The following CFAP299 variants were observed in gnomAD, a reference collection of about 807,000 sequenced individuals.
CFAP299 encodes cilia- and flagella-associated protein 299.
Under a neutral mutation model 27.0 loss-of-function variants are expected in CFAP299, and 21 were observed. That is an observed-to-expected ratio of 0.78 (90% CI 0.55 to 1.12). The LOEUF (loss-of-function observed/expected upper bound fraction) is 1.12. CFAP299 is among the 50% of genes most tolerant of loss of function. The pLI is 0.00. For synonymous variants in CFAP299, 104 were observed against 98.1 expected, an observed-to-expected ratio of 1.06 and a Z score of -0.36; for missense variants, 310 against 276.6, an observed-to-expected ratio of 1.12 and a Z score of -0.86.
At chr4:80,507,425 G>C (rs886614491) in intron 2 of CFAP299, among the ~76,000 whole-genome samples, 1 of 152,080 alleles carries the variant, frequency 6.6e-6, no homozygotes, top group African/African-American at 2.4e-5. Context: ...AGATATAAGA[G>C]AATATAATAT....
At chr4:80,634,075 C>T (rs1213383646) in intron 3 of CFAP299, among the ~76,000 whole-genome samples, 1 of 151,210 alleles carries the variant, frequency 6.6e-6, no homozygotes, top group African/African-American at 2.4e-5. Context: ...CCTTCACCTC[C>T]CGGGTTCAAG....
chr4:80,673,414 C>A (rs971898022), intron 3 of CFAP299, among the ~76,000 whole-genome samples: 5 of 151,984 alleles, frequency 3.3e-5, no homozygotes, highest in Non-Finnish European at 7.4e-5. Context: ...TTTGCTGAGG[C>A]ATGCTTTACT....
At chr4:80,742,208 C>CA in intron 3 of CFAP299, among the ~76,000 whole-genome samples, 1 of 152,180 alleles carries the variant, frequency 6.6e-6, no homozygotes, top group Admixed American at 6.5e-5. Flanking sequence ...TTTCTGTGTG[C>CA]AGATACTTGT....
intron 2 of CFAP299, among the ~76,000 whole-genome samples, chr4:80,569,395 G>C (rs1735468920): frequency 6.6e-6 from 1 of 151,924 alleles, no homozygotes; most frequent in Non-Finnish European, 1.5e-5. Flanking sequence ...ATGTAAAGTT[G>C]TTTAAAAATA....
At chr4:80,674,878 AT>A (rs1361447499) in intron 3 of CFAP299, among the ~76,000 whole-genome samples, 2 of 152,182 alleles carry the variant, frequency 1.3e-5, no homozygotes, top group East Asian at 3.8e-4. Flanking sequence ...CCATCATGTC[AT>A]TTAAGGTCTT....
intron 2 of CFAP299, among the ~76,000 whole-genome samples, chr4:80,524,830 G>C (rs1299764173): frequency 3.3e-5 from 5 of 152,146 alleles, no homozygotes; most frequent in African/African-American, 9.7e-5. Context: ...CTGTTGTCAG[G>C]ATTCTGGGCA....
rs139783166 is a variant in CFAP299, at chr4:80,923,116, G to A, written c.477-21694G>A. On this transcript the variant is annotated intron_variant, in intron 4 of 5. Coordinates refer to ENST00000358105, the MANE Select transcript of CFAP299 (RefSeq NM_152770.3). ...CAAGGGGGAACATTTGCTAGCTCAA[G>A]GAGGGATTCCTTCATGGTTGTTACG... is the stretch of plus-strand genomic sequence containing the variant. Among the ~76,000 whole-genome samples, 23 of 152,128 alleles carry A rather than the reference G, an allele frequency of 1.5e-4. 1 individual carries two copies. The highest frequency in any genetic ancestry group is 5.5e-4 in the African/African-American group (23 of 41,530).
chr4:80,329,958 T>C, the CFAP299 span, among the ~76,000 whole-genome samples: 5 of 152,316 alleles, frequency 3.3e-5, no homozygotes, highest in South Asian at 1.0e-3. Flanking sequence ...TAAGGTTTTA[T>C]CTGAATTTCT....
At chr4:80,647,929 C>T (rs2109966107) in intron 3 of CFAP299, among the ~76,000 whole-genome samples, 1 of 152,192 alleles carries the variant, frequency 6.6e-6, no homozygotes, top group East Asian at 1.9e-4. Context: ...TGGCAGCACA[C>T]ACCTGCAGTT....
At chr4:80,857,619 T>C (rs1305299520) in intron 3 of CFAP299, among the ~76,000 whole-genome samples, 4 of 152,168 alleles carry the variant, frequency 2.6e-5, no homozygotes, top group Non-Finnish European at 5.9e-5. Context: ...GCATGAAGCG[T>C]TGTTGAATTT....
At chr4:80,836,046 T>C (rs947242814) in intron 3 of CFAP299, among the ~76,000 whole-genome samples, 10 of 152,224 alleles carry the variant, frequency 6.6e-5, no homozygotes, top group Admixed American at 6.5e-4. Flanking sequence ...ATATTGAGCA[T>C]TGAGAAATTT....
chr4:80,390,753 A>T (rs1725368809), intron 2 of CFAP299, among the ~76,000 whole-genome samples: 1 of 142,292 alleles, frequency 7.0e-6, no homozygotes, highest in Non-Finnish European at 1.5e-5. Flanking sequence ...GTATATATAC[A>T]CACATATGTA....
chr4:80,793,661 T>G (rs756919156), intron 3 of CFAP299, among the ~76,000 whole-genome samples: 16 of 152,114 alleles, frequency 1.1e-4, no homozygotes, highest in Non-Finnish European at 2.4e-4. Context: ...CCAACCCAAA[T>G]GCTATTACAT....
In CFAP299 at chr4:80,452,606, A is replaced by G. The variant is rs145827760; in HGVS notation, c.242+89722A>G. On this transcript the variant is annotated intron_variant, in intron 2 of 5. Coordinates refer to ENST00000358105, the MANE Select transcript of CFAP299 (RefSeq NM_152770.3). Reference sequence around the variant, plus strand: ...AATGCCTTTTGGAGCTAAAGCCACTATTGTTAATAGAGTTAACATTAAAAG... The same window carrying G: ...AATGCCTTTTGGAGCTAAAGCCACTGTTGTTAATAGAGTTAACATTAAAAG... Among the ~76,000 whole-genome samples the G allele has an allele frequency of 2.3e-3, 346 of 152,308 alleles. 2 individuals carry two copies. The highest frequency in any genetic ancestry group is 7.6e-3 in the African/African-American group (314 of 41,560).
At chr4:80,602,790 C>T (rs144632881) in intron 3 of CFAP299, among the ~76,000 whole-genome samples, 224 of 152,200 alleles carry the variant, frequency 1.5e-3, no homozygotes, top group Non-Finnish European at 2.2e-3. Flanking sequence ...TTGCAGATCG[C>T]AAAGCTTCTC....
chr4:80,500,501 C>T (rs1483361624), intron 2 of CFAP299, among the ~76,000 whole-genome samples: 1 of 152,038 alleles, frequency 6.6e-6, no homozygotes, highest in Non-Finnish European at 1.5e-5. Flanking sequence ...TAGGCTATAC[C>T]AAACTATCAA....
chr4:80,787,272 A>G lies in CFAP299; in HGVS notation c.334-82721A>G, dbSNP rs554589238. 9.3e-5 allele frequency among the ~76,000 whole-genome samples: 14 copies of G among 150,018 alleles called. No homozygotes were observed. The East Asian group carries it at 1.8e-3, about 19-fold the overall frequency. Reference sequence around the variant, plus strand: ...TAGTAAATATGCAATATCCACATATATCCCTGTGGTTAATCTCAATTTCCC... The same window carrying G: ...TAGTAAATATGCAATATCCACATATGTCCCTGTGGTTAATCTCAATTTCCC... On this transcript the variant is annotated intron_variant, in intron 3 of 5. Transcript: ENST00000358105.
rs148106108 is a variant in CFAP299 at position 80,849,877 on chromosome 4, C to T, written c.334-20116C>T. Among the ~76,000 whole-genome samples the T allele has an allele frequency of 2.5e-3, 373 of 152,102 alleles. 1 individual carries two copies. The highest frequency in any genetic ancestry group is 8.5e-3 in the African/African-American group (352 of 41,492). On this transcript the variant is annotated intron_variant, in intron 3 of 5. Coordinates refer to ENST00000358105, the MANE Select transcript of CFAP299 (RefSeq NM_152770.3). The stretch of plus-strand genomic sequence containing the variant: ...ATAGGTAGAAGATTCTGAATAATCT[C>T]ACCACAAAGAAATGAGAAATGTTTG...
chr4:80,693,367 A>G (rs1317304410), intron 3 of CFAP299, among the ~76,000 whole-genome samples: 2 of 151,996 alleles, frequency 1.3e-5, no homozygotes, highest in Admixed American at 6.6e-5. Context: ...CTATGCAGCC[A>G]TAAAAAATGA....
Sources: gnomAD v4.1 joint callset for allele counts (sites outside exome capture counted in the v4.1 genomes callset) on GRCh38, gnomAD v4.1.1 for gene constraint, MANE v1.5 for transcripts, NCBI Gene and HGNC (gene_info 2026-07-23, HGNC 2026-07-21) for gene names.